Variants in IP6K2 observed in about 807,000 individuals in gnomAD.
IP6K2 encodes inositol hexakisphosphate kinase 2.
Under a neutral mutation model 43.3 loss-of-function variants are expected in IP6K2, and 9 were observed. That is an observed-to-expected ratio of 0.21 (90% CI 0.13 to 0.36). The LOEUF (loss-of-function observed/expected upper bound fraction) is 0.36. IP6K2 is among the 10% of genes least tolerant of loss of function. The pLI is 1.00. For missense variants in IP6K2, 332 were observed against 538.4 expected, an observed-to-expected ratio of 0.62 and a Z score of 3.79; for synonymous variants, 209 against 202.4, an observed-to-expected ratio of 1.03 and a Z score of -0.28.
rs752481284 is a variant in IP6K2, at chr3:48,691,291, C to T, written c.604+16G>A. On this transcript the variant is annotated intron_variant, in intron 4 of 5. Transcript: ENST00000328631. ...TCTTACCCTCAAATGCAGAGATGCCCGTGAACAAAGGATACTGTACTGGTT... is the reference window on the plus strand; with the variant it reads ...TCTTACCCTCAAATGCAGAGATGCCTGTGAACAAAGGATACTGTACTGGTT... 38 of 1,599,448 alleles carry T rather than the reference C, an allele frequency of 2.4e-5. No homozygotes were observed. The highest frequency in any genetic ancestry group is 1.7e-4 in the Middle Eastern group (1 of 6,020).
chr3:48,689,478 T>C (rs2077588096), intron 5 of IP6K2, 60 bp downstream of exon 5: 1 of 1,537,840 alleles, frequency 6.5e-7, no homozygotes, highest in Admixed American at 1.8e-5. Flanking sequence ...AACAGGACTA[T>C]ACCAGGGTGG....
At chr3:48,694,101 T>G (rs2078036675) in intron 2 of IP6K2, 1 of 1,491,564 alleles carries the variant, frequency 6.7e-7, no homozygotes. Flanking sequence ...AGATGACACT[T>G]CTGAGGTGGC....
intron 1 of IP6K2, among the ~76,000 whole-genome samples, chr3:48,699,992 C>T (rs555824924): frequency 6.6e-6 from 1 of 152,166 alleles, no homozygotes; most frequent in Non-Finnish European, 1.5e-5. Flanking sequence ...GAATTCGAGA[C>T]TAGCCTGGGC....
At position 48,693,087 on chromosome 3, in the gene IP6K2, C is replaced by A. The variant is rs2077945311; in HGVS notation, c.295G>T (p.Val99Leu). ...TTTGGTTCACAGTCTGAATTATCTA[C>A]AATGTCCACAATTCCATGGTCCCCT... ...LKGDHGIVDIVDNSDCEPKSK... is the reference protein window; with the variant it reads ...LKGDHGIVDILDNSDCEPKSK... The change falls in exon 3 of 6, where the codon GTA becomes TTA. Residue 99 changes from valine (V) to leucine (L), a missense_variant. Val to Leu is a conservative substitution (Grantham distance 32). Transcript: ENST00000328631. The A allele has an allele frequency of 3.1e-6, 5 of 1,614,170 alleles. No homozygotes were observed. In the East Asian group the frequency reaches 6.7e-5, roughly 22 times the overall value.
At chr3:48,716,743 C>A (rs1406920589) in intron 1 of IP6K2, among the ~76,000 whole-genome samples, 1 of 152,162 alleles carries the variant, frequency 6.6e-6, no homozygotes, top group Non-Finnish European at 1.5e-5. Context: ...TCCGGGAAGA[C>A]CCCTCCACCC....
intron 1 of IP6K2, among the ~76,000 whole-genome samples, chr3:48,708,902 G>A (rs548233490): frequency 4.6e-5 from 7 of 152,240 alleles, no homozygotes; most frequent in African/African-American, 1.7e-4. Flanking sequence ...GTGAGACCTT[G>A]TCTCTACAAA....
chr3:48,689,779 G>T, intron 4 of IP6K2, 66 bp from the exon 5 acceptor site: 1 of 1,410,660 alleles, frequency 7.1e-7, no homozygotes. Flanking sequence ...CACTCTCAAG[G>T]TACAGTGCCT....
intron 1 of IP6K2, chr3:48,715,407 T>G: frequency 6.5e-7 from 1 of 1,536,266 alleles, no homozygotes; most frequent in Non-Finnish European, 8.7e-7. Flanking sequence ...CTGGCATCCC[T>G]CTTGGAAGGG....
chr3:48,708,251 T>A (rs979208568), intron 1 of IP6K2: 2 of 151,482 alleles, frequency 1.3e-5, no homozygotes, highest in African/African-American at 4.9e-5. Flanking sequence ...TCTCAAAAAA[T>A]AATAATAATA....
At position 48,691,417 on chromosome 3, in the gene IP6K2, T is replaced by C. The variant is rs541363583; in HGVS notation, c.494A>G (p.Lys165Arg). 6.2e-7 allele frequency: 1 copy of C among 1,613,384 alleles called. No homozygotes were observed. The highest frequency in any genetic ancestry group is 8.5e-7 in the Non-Finnish European group (1 of 1,179,270). ...AAGCTGGGAACTTATATTCCCCTTC[T>C]TCTCTACAGTGTAGTACAAGACTTC... ...KSEVLYYTVE[K>R]KGNISSQLKH... Residue 165 changes from lysine to arginine, a missense_variant, in exon 4 of 6, where the codon AAG becomes AGG. Lys to Arg is a conservative substitution (Grantham distance 26, BLOSUM62 2). Transcript: ENST00000328631.
chr3:48,707,007 T>G (rs2079870786), intron 1 of IP6K2, among the ~76,000 whole-genome samples: 1 of 152,236 alleles, frequency 6.6e-6, no homozygotes, highest in South Asian at 2.1e-4. Context: ...AAGATGGCAT[T>G]TATAATTACA....
chr3:48,696,743 GGAGT>G (rs2078399009), intron 1 of IP6K2, among the ~76,000 whole-genome samples: 1 of 152,232 alleles, frequency 6.6e-6, no homozygotes, highest in Non-Finnish European at 1.5e-5. Flanking sequence ...AACTGAGAGA[GGAGT>G]GAGGATGGAT....
intron 1 of IP6K2, among the ~76,000 whole-genome samples, chr3:48,710,572 C>G (rs1320744032): frequency 6.6e-6 from 1 of 152,116 alleles, no homozygotes; most frequent in African/African-American, 2.4e-5. Context: ...TTACCTTTCC[C>G]AGGCCTCACC....
rs559762070 is a variant in IP6K2 at position 48,712,312 on chromosome 3, G to A, written c.-131+4845C>T. On this transcript the variant is annotated intron_variant, in intron 1 of 5. Coordinates refer to ENST00000328631, the MANE Select transcript of IP6K2 (RefSeq NM_016291.4). The stretch of plus-strand genomic sequence containing the variant: ...GGCTAGAGTGCAGTGGCGCGATCTC[G>A]GCTCACTGCAAGCTCCGCTTCCCAG... Among the ~76,000 whole-genome samples, 372 of 149,356 alleles carry A rather than the reference G, an allele frequency of 2.5e-3. 2 individuals carry two copies. The highest frequency in any genetic ancestry group is 8.8e-3 in the African/African-American group (356 of 40,474).
rs1474825993 is a variant in IP6K2, at chr3:48,688,887, G to A, written c.781-114C>T. The A allele has an allele frequency of 5.3e-6, 6 of 1,129,014 alleles. No homozygotes were observed. Among genetic ancestry groups the A allele is most frequent in the African/African-American group, 4.7e-5 (3 of 64,254 alleles). The allele number at this position is 1,129,014 out of a possible 1,614,324, so 69.9% of individuals were successfully genotyped here. ...CATGTGACAGCCCAGATCAGATAAA[G>A]TACACCAGTTGCACATGAGCCACTG... On this transcript the variant is annotated intron_variant, in intron 5 of 5. Coordinates refer to ENST00000328631, the MANE Select transcript of IP6K2 (RefSeq NM_016291.4). The surrounding 1 kb of genome is among the most constrained non-coding windows in gnomAD (Gnocchi z 5.1).
At chr3:48,693,201 A>G (rs766200426) in intron 2 of IP6K2, 22 bp from the exon 3 acceptor site, 5 of 1,584,182 alleles carry the variant, frequency 3.2e-6, no homozygotes, top group Non-Finnish European at 3.5e-6. Flanking sequence ...TGAGGAGCAG[A>G]AAGAACTTTT....
At position 48,705,453 on chromosome 3, in the gene IP6K2, C is replaced by T. The variant is rs1231838267; in HGVS notation, c.-130-10032G>A. Among the ~76,000 whole-genome samples the T allele has an allele frequency of 6.6e-5, 10 of 151,530 alleles. No individual in the cohort carries two copies. In the East Asian group the frequency reaches 7.9e-4, roughly 12 times the overall value. On this transcript the variant is annotated intron_variant, in intron 1 of 5. Coordinates refer to ENST00000328631, the MANE Select transcript of IP6K2 (RefSeq NM_016291.4). ...CAGCACTTTGGGAGGCCGAGGCGGG[C>T]GGATCACGAGGTCAAGAGATCGAGA...
intron 1 of IP6K2, among the ~76,000 whole-genome samples, chr3:48,696,707 G>T (rs1300057199): frequency 2.0e-5 from 3 of 152,186 alleles, no homozygotes; most frequent in Admixed American, 2.0e-4. Flanking sequence ...GATTTTACTG[G>T]GAACTCCTTC....
chr3:48,694,935 G>C lies in IP6K2; in HGVS notation c.202+155C>G, dbSNP rs1241813439. 4 of 1,559,004 alleles carry C rather than the reference G, an allele frequency of 2.6e-6. No individual in the cohort carries two copies. The East Asian group carries it at 9.5e-5, about 37-fold the overall frequency. On this transcript the variant is annotated intron_variant, in intron 2 of 5. Coordinates refer to ENST00000328631, the MANE Select transcript of IP6K2 (RefSeq NM_016291.4). Reference sequence around the variant, plus strand: ...TGAAAACTGAGGGTGTGAGATGCTGGGCTGAGGGCCAGGAGGAGGAGAAGG... The same window carrying C: ...TGAAAACTGAGGGTGTGAGATGCTGCGCTGAGGGCCAGGAGGAGGAGAAGG...
Sources: allele counts gnomAD v4.1 joint callset (sites outside exome capture counted in the v4.1 genomes callset), GRCh38; gene constraint gnomAD v4.1.1; non-coding constraint Gnocchi (gnomAD v3.1); transcripts MANE v1.5; gene names NCBI Gene and HGNC (gene_info 2026-07-23, HGNC 2026-07-21).